The following GPATCH8 variants were observed in gnomAD, a reference collection of about 807,000 sequenced individuals.
GPATCH8 encodes G patch domain-containing protein 8.
In GPATCH8, 18 loss-of-function variants were observed where a neutral mutation model predicts 118.3. The observed-to-expected ratio is 0.15, with a 90% CI of 0.11 to 0.23. GPATCH8 has a LOEUF of 0.23. GPATCH8 is among the 10% of genes least tolerant of loss of function. GPATCH8 has a pLI of 1.00. For synonymous variants in GPATCH8, 659 were observed against 684.7 expected, an observed-to-expected ratio of 0.96 and a Z score of 0.59; for missense variants, 1,631 against 1,873.8, an observed-to-expected ratio of 0.87 and a Z score of 2.39.
At chr17:44,418,548 G>A (rs2049774880) in intron 6 of GPATCH8, among the ~76,000 whole-genome samples, 1 of 150,702 alleles carries the variant, frequency 6.6e-6, no homozygotes, top group South Asian at 2.1e-4. Context: ...TCCACCTCCC[G>A]GATTCAGGCA....
chr17:44,410,388 T>A (rs1397670025), intron 6 of GPATCH8, among the ~76,000 whole-genome samples: 1 of 152,208 alleles, frequency 6.6e-6, no homozygotes, highest in Non-Finnish European at 1.5e-5. Context: ...ATCAATCTCT[T>A]GTCAAAGTCT....
In GPATCH8 at chr17:44,487,429, G is replaced by A. The variant is rs1254505508; in HGVS notation, c.46-12526C>T. 2.0e-5 allele frequency among the ~76,000 whole-genome samples: 3 copies of A among 152,128 alleles called. No individual in the cohort carries two copies. The South Asian group carries it at 6.2e-4, about 31-fold the overall frequency. On this transcript the variant is annotated intron_variant, in intron 1 of 7. Coordinates refer to ENST00000591680, the MANE Select transcript of GPATCH8 (RefSeq NM_001002909.4). Reference sequence around the variant, plus strand: ...TGAAGGATATCTGGACTGCTGCCAAGTTTTGGCAATTACAAATAAAGAATG... The same window carrying A: ...TGAAGGATATCTGGACTGCTGCCAAATTTTGGCAATTACAAATAAAGAATG...
rs768489857 is a variant in GPATCH8, at chr17:44,474,854, G to C, written c.95C>G (p.Ala32Gly). The change falls in exon 2 of 8, where the codon GCG becomes GGG. Residue 32 changes from alanine (A) to glycine (G), a missense_variant. Ala to Gly is a moderately conservative substitution (Grantham distance 60, BLOSUM62 0). This residue lies in a region of GPATCH8 where 81 missense variants were observed against 227.6 expected (regional missense o/e 0.36). Transcript: ENST00000591680. ...CGATTCTATAGGCTTGTCAAGTGAC[G>C]CTTGTTCAATTTCCAAGTGTCCTTC... ...YEEGHLEIEQASLDKPIESDN... is the reference protein window; with the variant it reads ...YEEGHLEIEQGSLDKPIESDN... 6.4e-7 allele frequency: 1 copy of C among 1,574,754 alleles called. No individual in the cohort carries two copies. The highest frequency in any genetic ancestry group is 8.7e-7 in the Non-Finnish European group (1 of 1,144,570).
Position 44,437,945 on chromosome 17 carries a change from GAA to G in GPATCH8, c.194-1402_194-1401del, listed in dbSNP as rs752307910. ...AACTGTTAAAGAACATCTCATGTCA[GAA>G]AAAAAAAAAAAACAAAACAACAACT... On this transcript the variant is annotated intron_variant, in intron 3 of 7. Transcript: ENST00000591680. Among the ~76,000 whole-genome samples the G allele has an allele frequency of 1.1e-4, 7 of 63,676 alleles. No individual in the cohort carries two copies. In the South Asian group the frequency reaches 2.1e-3, roughly 20 times the overall value. 41.8% of individuals were successfully genotyped at this position (63,676 alleles called of 152,430 possible).
intron 5 of GPATCH8, among the ~76,000 whole-genome samples, chr17:44,428,845 T>A (rs2050186741): frequency 6.7e-6 from 1 of 150,002 alleles, no homozygotes; most frequent in Admixed American, 6.6e-5. Context: ...ACTCATAGAA[T>A]ATTTACACAG....
intron 1 of GPATCH8, among the ~76,000 whole-genome samples, chr17:44,496,099 C>A (rs1969650780): frequency 6.6e-6 from 1 of 152,166 alleles, no homozygotes; most frequent in South Asian, 2.1e-4. Context: ...GAACTCCTGA[C>A]CCCGTGTGAT....
intron 5 of GPATCH8, among the ~76,000 whole-genome samples, chr17:44,425,645 C>T (rs180674393): frequency 2.0e-5 from 3 of 152,164 alleles, no homozygotes; most frequent in Non-Finnish European, 1.5e-5. Flanking sequence ...CTTCCCACCT[C>T]GGCCTCCCAA....
At chr17:44,416,730 T>G (rs2049700479) in intron 6 of GPATCH8, among the ~76,000 whole-genome samples, 1 of 152,184 alleles carries the variant, frequency 6.6e-6, no homozygotes, top group Admixed American at 6.5e-5. Flanking sequence ...AAAAAGCAGT[T>G]GCAAACAATT....
At chr17:44,438,315 G>C (rs1426888440) in intron 3 of GPATCH8, among the ~76,000 whole-genome samples, 1 of 152,108 alleles carries the variant, frequency 6.6e-6, no homozygotes, top group Non-Finnish European at 1.5e-5. Flanking sequence ...GTAAACCCCT[G>C]TTTATAAACT....
At chr17:44,426,033 G>A (rs2050078714) in intron 5 of GPATCH8, among the ~76,000 whole-genome samples, 1 of 152,174 alleles carries the variant, frequency 6.6e-6, no homozygotes. Flanking sequence ...TATAGAACCT[G>A]AATGAGGGAA....
At chr17:44,470,663 C>T (rs1014398997) in intron 2 of GPATCH8, among the ~76,000 whole-genome samples, 2 of 152,146 alleles carry the variant, frequency 1.3e-5, no homozygotes, top group South Asian at 4.2e-4. Context: ...GCATGTGCCA[C>T]CACGTCTGGC....
intron 3 of GPATCH8, among the ~76,000 whole-genome samples, chr17:44,449,816 A>T (rs932574248): frequency 6.6e-6 from 1 of 152,176 alleles, no homozygotes; most frequent in African/African-American, 2.4e-5. Flanking sequence ...CCCGGCCTGA[A>T]TCTACATTTT....
intron 6 of GPATCH8, chr17:44,409,146 G>C (rs1207462843): frequency 2.0e-5 from 3 of 152,152 alleles, no homozygotes; most frequent in Non-Finnish European, 4.4e-5. Flanking sequence ...TGGGAGTTCT[G>C]ACCTGCTCTG....
intron 7 of GPATCH8, among the ~76,000 whole-genome samples, chr17:44,404,770 G>T (rs1276376527): frequency 6.6e-6 from 1 of 152,002 alleles, no homozygotes; most frequent in Non-Finnish European, 1.5e-5. Flanking sequence ...ACATTTTAAG[G>T]AACTGGAGGA....
chr17:44,448,549 G>GGAAGAA (rs1568004202), intron 3 of GPATCH8, among the ~76,000 whole-genome samples: 5 of 101,568 alleles, frequency 4.9e-5, no homozygotes, highest in South Asian at 5.6e-4. Flanking sequence ...AAGAAGAAGA[G>GGAAGAA]GAAGAGGAAG....
intron 5 of GPATCH8, among the ~76,000 whole-genome samples, chr17:44,430,768 G>C (rs976183988): frequency 6.6e-6 from 1 of 150,770 alleles, no homozygotes; most frequent in African/African-American, 2.4e-5. Context: ...TCAGCCTCCT[G>C]AGTAGCTCGG....
chr17:44,401,449 G>A lies in GPATCH8; in HGVS notation c.628C>T (p.Pro210Ser). 1 of 1,592,456 alleles carries A rather than the reference G, an allele frequency of 6.3e-7. No individual in the cohort carries two copies. The highest frequency in any genetic ancestry group is 8.6e-7 in the Non-Finnish European group (1 of 1,160,332). The part of the protein sequence containing the change: ...AEQRKQAECA[P>S]GSGPMFKPTT... ...GGTTTGAACATGGGACCACTTCCAG[G>A]TGCACTACATGATGATTTAGAAAAA... Residue 210 changes from proline to serine, a missense_variant, in exon 8 of 8, where the codon CCT becomes TCT. By Grantham distance (74) the Pro-to-Ser change is moderately conservative (BLOSUM62 -1). This residue lies in a region of GPATCH8 where 405 missense variants were observed against 462.7 expected (regional missense o/e 0.88). Transcript: ENST00000591680.
At chr17:44,456,346 C>A (rs2051329657) in intron 3 of GPATCH8, among the ~76,000 whole-genome samples, 1 of 151,408 alleles carries the variant, frequency 6.6e-6, no homozygotes, top group Admixed American at 6.6e-5. Context: ...AAATTCCTGG[C>A]CTCAAGCTAC....
chr17:44,417,030 G>A (rs969456836), intron 6 of GPATCH8, among the ~76,000 whole-genome samples: 3 of 151,976 alleles, frequency 2.0e-5, no homozygotes, highest in Non-Finnish European at 2.9e-5. Flanking sequence ...ACAGTTAAAG[G>A]AATTTTTTTT....
Sources: gnomAD v4.1 joint callset for allele counts (sites outside exome capture counted in the v4.1 genomes callset) on GRCh38, gnomAD v4.1.1 for gene constraint, gnomAD v4.1.1 regional missense constraint, MANE v1.5 for transcripts, NCBI Gene and HGNC (gene_info 2026-07-23, HGNC 2026-07-21) for gene names.